Variants in CATIP observed in about 807,000 individuals in gnomAD.
CATIP encodes ciliogenesis associated TTC17 interacting protein.
In CATIP, 40 loss-of-function variants were observed where a neutral mutation model predicts 42.5. The ratio of observed to expected loss-of-function variants is 0.94; its 90% CI spans 0.73 to 1.22. CATIP has a LOEUF of 1.22. Ranked by LOEUF, CATIP falls within the 50% of genes most tolerant of loss-of-function variation. CATIP has a pLI of 0.00. For synonymous variants in CATIP, 222 were observed against 200.2 expected (o/e 1.11, Z -0.92); for missense variants, 489 against 496.0 (o/e 0.99, Z 0.13).
intron 9 of CATIP, 102 bp downstream of exon 9, chr2:218,367,620 G>C: frequency 2.5e-6 from 4 of 1,596,774 alleles, no homozygotes; most frequent in East Asian, 2.2e-5. Context: ...GTAGGGGCTA[G>C]AAGGCTCCAG....
chr2:218,367,487 T>C lies in CATIP; in HGVS notation c.890T>C (p.Met297Thr), dbSNP rs752824335. The stretch of plus-strand genomic sequence containing the variant: ...AAGCCCCTGGTATGGGAGGAGGATA[T>C]GGAGCTCTATTCGAAGTTCCTGGAC... ...EKKPLVWEEDMELYSKFLDRK... is the reference protein window; with the variant it reads ...EKKPLVWEEDTELYSKFLDRK... Residue 297 changes from methionine to threonine, a missense_variant, in exon 9 of 10, where the codon ATG becomes ACG. Coordinates refer to ENST00000289388, the MANE Select transcript of CATIP (RefSeq NM_198559.2). The C allele has an allele frequency of 2.9e-5, 47 of 1,613,966 alleles. 1 individual carries two copies. In the East Asian group the frequency reaches 1.0e-3, roughly 35 times the overall value.
chr2:218,357,744 C>T lies in CATIP; in HGVS notation c.319+10C>T, dbSNP rs539311895. ...GGAAATTCCCTCCTGGGTAGCGTTC[C>T]TACTGCCTGATGCCCGTCACTCTCC... On this transcript the variant is annotated intron_variant, in intron 3 of 9. Coordinates refer to ENST00000289388, the MANE Select transcript of CATIP (RefSeq NM_198559.2). 1.9e-6 allele frequency: 3 copies of T among 1,610,514 alleles called. No individual in the cohort carries two copies. The South Asian group carries it at 3.3e-5, about 18-fold the overall frequency.
At chr2:218,360,882 G>A (rs1416475455) in intron 5 of CATIP, among the ~76,000 whole-genome samples, 1 of 150,228 alleles carries the variant, frequency 6.7e-6, no homozygotes, top group Non-Finnish European at 1.5e-5. Flanking sequence ...AGAGGCTGGA[G>A]TGCAATGACG....
intron 5 of CATIP, among the ~76,000 whole-genome samples, chr2:218,360,926 G>T (rs373912343): frequency 1.1e-3 from 169 of 151,554 alleles, no homozygotes; most frequent in Middle Eastern, 3.4e-3. Context: ...CACCTCCCGG[G>T]TTCAAGTGAT....
At chr2:218,360,411 C>T (rs529773760) in intron 4 of CATIP, among the ~76,000 whole-genome samples, 162 bp from the exon 5 acceptor site, 1 of 152,074 alleles carries the variant, frequency 6.6e-6, no homozygotes, top group South Asian at 2.1e-4. Flanking sequence ...CGGCCTCCCA[C>T]AGTGCTAGGA....
chr2:218,360,369 C>G (rs951576695), intron 4 of CATIP, among the ~76,000 whole-genome samples: 5 of 151,812 alleles, frequency 3.3e-5, no homozygotes, highest in African/African-American at 1.2e-4. Flanking sequence ...CCAGGGTGGT[C>G]TCAATCTCCT....
chr2:218,362,954 G>T, intron 6 of CATIP, 52 bp downstream of exon 6: 1 of 1,545,520 alleles, frequency 6.5e-7, no homozygotes, highest in Non-Finnish European at 8.8e-7. Flanking sequence ...ACTAGAAAAG[G>T]CGTGAAAAGC....
In CATIP at chr2:218,357,134, G is replaced by A. The variant is rs1407265091; in HGVS notation, c.65G>A (p.Cys22Tyr). 2 of 1,613,916 alleles carry A rather than the reference G, an allele frequency of 1.2e-6. No individual in the cohort carries two copies. The highest frequency in any genetic ancestry group is 1.7e-6 in the Non-Finnish European group (2 of 1,179,994). The change falls in exon 2 of 10, where the codon TGT (cysteine) becomes TAT (tyrosine). Residue 22 changes from cysteine to tyrosine, a missense_variant. Coordinates refer to ENST00000289388, the MANE Select transcript of CATIP (RefSeq NM_198559.2). ...GACCACCAGCCCTCGGGTCCGGAGT[G>A]TCTGCCACTCCCAGAGGCCAATGCT... ...AKDHQPSGPECLPLPEANAEA... is the reference protein window; with the variant it reads ...AKDHQPSGPEYLPLPEANAEA...
intron 2 of CATIP, 37 bp downstream of exon 2, chr2:218,357,224 G>A (rs1290435384): frequency 3.4e-6 from 5 of 1,492,318 alleles, no homozygotes; most frequent in South Asian, 1.1e-5. Context: ...GGGTGCGGGA[G>A]GGGTGCAAGT....
Position 218,362,896 on chromosome 2 carries a change from G to T in CATIP, c.624G>T (p.Leu208Phe). Residue 208 changes from leucine (L) to phenylalanine (F), a missense_variant, in exon 6 of 10, where the codon TTG (leucine) becomes TTT (phenylalanine). By Grantham distance (22) the Leu-to-Phe change is conservative. Transcript: ENST00000289388. Reference protein sequence around the residue: ...TLDTEGKLCYLTYQNLGFQTI... With the variant: ...TLDTEGKLCYFTYQNLGFQTI... ...ACACCGAGGGCAAACTCTGCTATTT[G>T]ACCTATGTAAGGGGTCCCCTTGGGC... 6.2e-7 allele frequency: 1 copy of T among 1,613,098 alleles called. No homozygotes were observed. The highest frequency in any genetic ancestry group is 1.1e-5 in the South Asian group (1 of 91,030).
At chr2:218,364,372 AC>A (rs1695350343) in intron 6 of CATIP, among the ~76,000 whole-genome samples, 1 of 151,644 alleles carries the variant, frequency 6.6e-6, no homozygotes, top group South Asian at 2.1e-4. Flanking sequence ...CCCCCCGCAT[AC>A]CGCTTCTCAT....
Position 218,367,438 on chromosome 2 carries a change from G to C in CATIP, c.841G>C (p.Glu281Gln), listed in dbSNP as rs1421340352. 6.2e-7 allele frequency: 1 copy of C among 1,614,006 alleles called. No individual in the cohort carries two copies. Residue 281 changes from glutamate (E) to glutamine (Q), a missense_variant, in exon 9 of 10, where the codon GAG becomes CAG. By Grantham distance (29) the Glu-to-Gln change is conservative. Transcript: ENST00000289388. ...CCTTGTTCCCCACCTAGATGAGATT[G>C]AGCCACGCCCAGTGTTTGAGAAGAA... ...MPILREEDEIEPRPVFEKKPL... is the reference protein window; with the variant it reads ...MPILREEDEIQPRPVFEKKPL...
chr2:218,359,154 T>A (rs1030322884), intron 4 of CATIP, among the ~76,000 whole-genome samples: 1 of 151,746 alleles, frequency 6.6e-6, no homozygotes, highest in Non-Finnish European at 1.5e-5. Context: ...CTGGCCAAGA[T>A]GGTGAAACCC....
chr2:218,358,158 C>A, intron 4 of CATIP, 66 bp downstream of exon 4: 1 of 1,376,764 alleles, frequency 7.3e-7, no homozygotes. Flanking sequence ...ACTTAAAAAA[C>A]AGCAGCAACA....
chr2:218,360,847 T>TTGG (rs1695209580), intron 5 of CATIP, among the ~76,000 whole-genome samples, 188 bp downstream of exon 5: 1 of 147,920 alleles, frequency 6.8e-6, no homozygotes, highest in African/African-American at 2.5e-5. Flanking sequence ...TTTTTTTTTT[T>TTGG]GAGACAGAGT....
rs774534522 is a variant in CATIP at position 218,367,827 on chromosome 2, G to T, written c.1027G>T (p.Val343Leu). Residue 343 changes from valine (V) to leucine (L), a missense_variant, in exon 10 of 10, where the codon GTG becomes TTG. Coordinates refer to ENST00000289388, the MANE Select transcript of CATIP (RefSeq NM_198559.2). ...LFLLLRQPEDVVTFAAEFFGP... is the reference protein window; with the variant it reads ...LFLLLRQPEDLVTFAAEFFGP... The stretch of plus-strand genomic sequence containing the variant: ...CCTGCTGCTGCGCCAGCCGGAGGAC[G>T]TGGTCACCTTCGCCGCCGAGTTCTT... 1 of 1,613,120 alleles carries T rather than the reference G, an allele frequency of 6.2e-7. No individual in the cohort carries two copies. The highest frequency in any genetic ancestry group is 8.5e-7 in the Non-Finnish European group (1 of 1,179,880).
In CATIP at chr2:218,366,609, G is replaced by A. The variant is rs1369954332; in HGVS notation, c.756-415G>A. 1.6e-5 allele frequency: 4 copies of A among 249,842 alleles called. 1 individual carries two copies. Among genetic ancestry groups the A allele is most frequent in the South Asian group, 7.7e-5 (2 of 25,844 alleles). 15.5% of individuals were successfully genotyped at this position (249,842 alleles called of 1,614,324 possible). On this transcript the variant is annotated intron_variant, in intron 7 of 9. Transcript: ENST00000289388. ...GAGGCCCGGGACAGGTCTCTCAAGGGGCACTGTCATGTAGGAGTCTGCTTA... is the reference window on the plus strand; with the variant it reads ...GAGGCCCGGGACAGGTCTCTCAAGGAGCACTGTCATGTAGGAGTCTGCTTA...
intron 4 of CATIP, among the ~76,000 whole-genome samples, chr2:218,360,238 C>T (rs1047755753): frequency 4.0e-5 from 6 of 151,342 alleles, no homozygotes; most frequent in African/African-American, 9.7e-5. Flanking sequence ...CTGCAACCTC[C>T]GCCTCCGGGT....
chr2:218,365,447 GAAGA>G (rs1465565180), intron 7 of CATIP: 5 of 151,590 alleles, frequency 3.3e-5, no homozygotes, highest in East Asian at 1.9e-4. Context: ...AATTCAGGTG[GAAGA>G]AAGAGTTTCT....
Sources: allele counts gnomAD v4.1 joint callset (sites outside exome capture counted in the v4.1 genomes callset), GRCh38; gene constraint gnomAD v4.1.1; transcripts MANE v1.5; gene names NCBI Gene and HGNC (gene_info 2026-07-23, HGNC 2026-07-21).